RGS6: variants seen among roughly 807,000 people sequenced by gnomAD.
The protein encoded by RGS6 is regulator of G-protein signaling 6.
RGS6 carries 30 observed loss-of-function variants against 78.5 expected under a neutral mutation model. The observed-to-expected ratio is 0.38, with a 90% confidence interval of 0.29 to 0.52. The LOEUF (loss-of-function observed/expected upper bound fraction) is 0.52. RGS6 is among the 20% of genes least tolerant of loss of function. The pLI, the probability that RGS6 is intolerant of heterozygous loss-of-function variation, is 0.85. For synonymous variants in RGS6, 206 were observed against 206.0 expected, an observed-to-expected ratio of 1.00 and a Z score of 0.00; for missense variants, 495 against 609.7, an observed-to-expected ratio of 0.81 and a Z score of 1.98.
At chr14:72,305,679 A>G (rs760926690) in intron 2 of RGS6, among the ~76,000 whole-genome samples, 2 of 152,178 alleles carry the variant, frequency 1.3e-5, no homozygotes, top group Non-Finnish European at 2.9e-5. Context: ...GCCATTGCAC[A>G]TCTCTCTCCC....
chr14:72,563,553 C>T lies in RGS6; in HGVS notation c.*1086C>T, dbSNP rs1299188213. ...GGACCAGGCCAGGCCACAGGGCTCT[C>T]CTCCCAGTCTTTATCTGAAGGCCCA... On this transcript the variant is annotated 3_prime_UTR_variant, in exon 18 of 18. Transcript: ENST00000553525. 1 of 152,502 alleles carries T rather than the reference C, an allele frequency of 6.6e-6. No homozygotes were observed. Among genetic ancestry groups the T allele is most frequent in the Non-Finnish European group, 1.5e-5 (1 of 68,290 alleles). 9.4% of individuals were successfully genotyped at this position (152,502 alleles called of 1,614,324 possible).
chr14:72,271,616 A>G (rs1009535145), intron 2 of RGS6, among the ~76,000 whole-genome samples: 2 of 152,248 alleles, frequency 1.3e-5, no homozygotes, highest in Non-Finnish European at 2.9e-5. Context: ...TTAACCTGCG[A>G]TGGATTTGTG....
At chr14:72,558,731 A>G (rs1473114721) in intron 17 of RGS6, among the ~76,000 whole-genome samples, 2 of 152,244 alleles carry the variant, frequency 1.3e-5, no homozygotes, top group Non-Finnish European at 2.9e-5. Context: ...CCCATGGTCC[A>G]TGAAATTGAA....
chr14:71,996,684 C>T (rs544935775), intron 2 of RGS6, among the ~76,000 whole-genome samples: 7 of 151,868 alleles, frequency 4.6e-5, no homozygotes, highest in Non-Finnish European at 1.0e-4. Flanking sequence ...ATATAACAGA[C>T]GGTCAATAAA....
intron 3 of RGS6, among the ~76,000 whole-genome samples, chr14:72,434,029 A>G (rs116801974): frequency 0.036 from 5,556 of 152,244 alleles, 221 homozygotes; most frequent in Admixed American, 0.092. Context: ...GCAAATTCCA[A>G]CGTGTCCGTT....
intron 2 of RGS6, among the ~76,000 whole-genome samples, chr14:72,288,795 C>G (rs550920336): frequency 6.6e-6 from 1 of 152,068 alleles, no homozygotes; most frequent in Admixed American, 6.6e-5. Flanking sequence ...GAAGGAGGTG[C>G]GTTGGCATGA....
chr14:72,094,634 C>T (rs1174242563), intron 2 of RGS6, among the ~76,000 whole-genome samples: 3 of 152,172 alleles, frequency 2.0e-5, no homozygotes, highest in Non-Finnish European at 1.5e-5. Flanking sequence ...AACTCCTTAG[C>T]AATTCCATTT....
chr14:72,361,895 T>C (rs918790497), intron 3 of RGS6, among the ~76,000 whole-genome samples: 3 of 152,136 alleles, frequency 2.0e-5, no homozygotes, highest in Admixed American at 2.0e-4. Flanking sequence ...CAGTCACTTA[T>C]CTACCTGTAA....
chr14:72,625,702 A>T, the RGS6 span, among the ~76,000 whole-genome samples: 1 of 152,206 alleles, frequency 6.6e-6, no homozygotes, highest in South Asian at 2.1e-4. Context: ...CTGTCTATTA[A>T]TATATGTGTA....
At chr14:72,556,541 G>GTGAC (rs1328910684) in intron 17 of RGS6, among the ~76,000 whole-genome samples, 1 of 152,168 alleles carries the variant, frequency 6.6e-6, no homozygotes, top group Non-Finnish European at 1.5e-5. Context: ...AGTGGTCCCA[G>GTGAC]TGACATTCTG....
At chr14:72,137,102 C>T (rs974217933) in intron 2 of RGS6, among the ~76,000 whole-genome samples, 8 of 152,058 alleles carry the variant, frequency 5.3e-5, no homozygotes, top group South Asian at 2.1e-4. Context: ...TGGTGAGAAA[C>T]GTGAGGAAAT....
At chr14:71,981,172 T>C (rs1470944982) in intron 2 of RGS6, among the ~76,000 whole-genome samples, 1 of 149,598 alleles carries the variant, frequency 6.7e-6, no homozygotes, top group Non-Finnish European at 1.5e-5. Context: ...TCTAAATTTT[T>C]TTCAAAGTTT....
intron 2 of RGS6, among the ~76,000 whole-genome samples, chr14:71,969,931 T>C (rs1398785854): frequency 2.0e-5 from 3 of 152,222 alleles, no homozygotes; most frequent in African/African-American, 4.8e-5. Context: ...TAAAGGTCTT[T>C]TGAGCTTTTG....
intron 2 of RGS6, among the ~76,000 whole-genome samples, chr14:72,165,992 A>G (rs565071367): frequency 6.6e-6 from 1 of 152,226 alleles, no homozygotes; most frequent in African/African-American, 2.4e-5. Flanking sequence ...AACAGATTCT[A>G]AGATATCTTA....
intron 3 of RGS6, among the ~76,000 whole-genome samples, chr14:72,431,062 A>G (rs1184126128): frequency 6.6e-6 from 1 of 152,216 alleles, no homozygotes; most frequent in Non-Finnish European, 1.5e-5. Flanking sequence ...TGCATCACAC[A>G]TGCAGCAAAC....
Position 72,230,839 on chromosome 14 carries a change from C to T in RGS6, c.85-121256C>T, listed in dbSNP as rs553251177. ...GTCAGCTGATTGTAGCTGCTAACCACATCAATCAAATACTTCCACAGCAAC... is the reference window on the plus strand; with the variant it reads ...GTCAGCTGATTGTAGCTGCTAACCATATCAATCAAATACTTCCACAGCAAC... On this transcript the variant is annotated intron_variant, in intron 2 of 17. Coordinates refer to ENST00000553525, the MANE Select transcript of RGS6 (RefSeq NM_001204424.2). 2.6e-5 allele frequency among the ~76,000 whole-genome samples: 4 copies of T among 152,278 alleles called. No homozygotes were observed. In the South Asian group the frequency reaches 8.3e-4, roughly 32 times the overall value.
chr14:72,170,896 G>T (rs1055222818), intron 2 of RGS6, among the ~76,000 whole-genome samples: 2 of 152,112 alleles, frequency 1.3e-5, no homozygotes, highest in South Asian at 2.1e-4. Context: ...GTTATTGGGG[G>T]TGCATTTGTA....
chr14:72,484,579 TAA>T (rs2096453179), intron 12 of RGS6, among the ~76,000 whole-genome samples: 1 of 152,190 alleles, frequency 6.6e-6, no homozygotes, highest in Non-Finnish European at 1.5e-5. Context: ...AGCAAAATTA[TAA>T]GTCTTTTGTT....
intron 14 of RGS6, among the ~76,000 whole-genome samples, chr14:72,514,341 G>T (rs1261581641): frequency 6.6e-6 from 1 of 152,228 alleles, no homozygotes; most frequent in African/African-American, 2.4e-5. Flanking sequence ...TTTATGAAAA[G>T]ATATGTAAAC....
Sources: allele counts gnomAD v4.1 joint callset (sites outside exome capture counted in the v4.1 genomes callset), GRCh38; gene constraint gnomAD v4.1.1; transcripts MANE v1.5; gene names NCBI Gene and HGNC (gene_info 2026-07-23, HGNC 2026-07-21).